The following RALYL variants were observed in gnomAD, a reference collection of about 807,000 sequenced individuals.
RALYL encodes RNA-binding Raly-like protein.
RALYL carries 29 observed loss-of-function variants against 35.1 expected under a neutral mutation model. The ratio of observed to expected loss-of-function variants is 0.83; its 90% CI spans 0.61 to 1.13. The LOEUF (loss-of-function observed/expected upper bound fraction) is 1.13, where lower values mean the gene tolerates loss of function less well. RALYL is among the 50% of genes most tolerant of loss of function. The pLI is 0.00. For missense variants in RALYL, 359 were observed against 360.4 expected, an observed-to-expected ratio of 1.00 and a Z score of 0.03; for synonymous variants, 120 against 127.6, an observed-to-expected ratio of 0.94 and a Z score of 0.40.
chr8:84,647,707 TC>T (rs1827787851), intron 2 of RALYL, among the ~76,000 whole-genome samples: 1 of 152,014 alleles, frequency 6.6e-6, no homozygotes, highest in Non-Finnish European at 1.5e-5. Flanking sequence ...AAGCTTACAT[TC>T]CATGGAGGGA....
chr8:84,623,473 C>G (rs1401110122), intron 2 of RALYL, among the ~76,000 whole-genome samples: 2 of 148,466 alleles, frequency 1.3e-5, no homozygotes, highest in Non-Finnish European at 3.0e-5. Context: ...CTTAGGTCAT[C>G]CTACTGTCCT....
intron 1 of RALYL, among the ~76,000 whole-genome samples, chr8:84,410,574 A>C (rs1199243540): frequency 2.0e-5 from 3 of 151,910 alleles, no homozygotes; most frequent in African/African-American, 4.8e-5. Context: ...ATTATAAACC[A>C]GTTAAAATAT....
chr8:84,647,428 C>T (rs576154260), intron 2 of RALYL, among the ~76,000 whole-genome samples: 1 of 152,170 alleles, frequency 6.6e-6, no homozygotes, highest in South Asian at 2.1e-4. Context: ...ACTGAATAAA[C>T]ATGCCTGAAG....
intron 1 of RALYL, among the ~76,000 whole-genome samples, chr8:84,266,804 C>CA (rs1317470960): frequency 5.9e-5 from 9 of 151,636 alleles, no homozygotes; most frequent in South Asian, 2.1e-4. Flanking sequence ...ACTAAAAATA[C>CA]AAAAAATTAG....
intron 3 of RALYL, among the ~76,000 whole-genome samples, chr8:84,777,125 A>C (rs1817015114): frequency 6.6e-6 from 1 of 152,234 alleles, no homozygotes; most frequent in Non-Finnish European, 1.5e-5. Context: ...TTGGTAGTAT[A>C]TACTATGCTG....
intron 2 of RALYL, among the ~76,000 whole-genome samples, chr8:84,729,913 G>A (rs898092957): frequency 6.6e-6 from 1 of 152,112 alleles, no homozygotes; most frequent in Non-Finnish European, 1.5e-5. Flanking sequence ...ACCAAAAAGA[G>A]TCCAGGACCA....
intron 1 of RALYL, among the ~76,000 whole-genome samples, chr8:84,403,667 CT>C (rs1421970656): frequency 6.7e-6 from 1 of 149,922 alleles, no homozygotes; most frequent in African/African-American, 2.5e-5. Context: ...GCTATATGGG[CT>C]CTTTTTTGGT....
chr8:84,210,760 C>G (rs1271132293), intron 1 of RALYL, among the ~76,000 whole-genome samples: 1 of 152,078 alleles, frequency 6.6e-6, no homozygotes, highest in Non-Finnish European at 1.5e-5. Flanking sequence ...CAGCAAGGCT[C>G]TATGCCATTC....
chr8:84,533,075 A>T (rs2059376213), intron 2 of RALYL, among the ~76,000 whole-genome samples: 1 of 152,086 alleles, frequency 6.6e-6, no homozygotes, highest in Admixed American at 6.6e-5. Flanking sequence ...ATTATTCAGA[A>T]TTTTTTTAAA....
At chr8:84,185,833 A>G (rs183956437) in intron 1 of RALYL, among the ~76,000 whole-genome samples, 37 of 152,342 alleles carry the variant, frequency 2.4e-4, no homozygotes, top group Admixed American at 2.1e-3. Flanking sequence ...GGGGTTTATA[A>G]CATACACTGG....
rs552984675 is a variant in RALYL, at chr8:84,899,918, G to A, written c.858+12142G>A. 2.0e-5 allele frequency among the ~76,000 whole-genome samples: 3 copies of A among 152,290 alleles called. No individual in the cohort carries two copies. In the South Asian group the frequency reaches 6.2e-4, roughly 32 times the overall value. The stretch of plus-strand genomic sequence containing the variant: ...GTTCATAAGAAAGTAAATTTCAGAG[G>A]ATTCCAAACTAAAGTATGCCCAGAT... On this transcript the variant is annotated intron_variant, in intron 8 of 8. Coordinates refer to ENST00000521268, the MANE Select transcript of RALYL (RefSeq NM_173848.7).
intron 3 of RALYL, among the ~76,000 whole-genome samples, chr8:84,787,100 G>A (rs1819676729): frequency 6.6e-6 from 1 of 152,032 alleles, no homozygotes; most frequent in Non-Finnish European, 1.5e-5. Flanking sequence ...ATGGTGGTTT[G>A]CTGCACCCAT....
At chr8:84,876,336 T>A (rs527710902) in intron 7 of RALYL, among the ~76,000 whole-genome samples, 1 of 152,320 alleles carries the variant, frequency 6.6e-6, no homozygotes, top group East Asian at 1.9e-4. Context: ...CCACCATGCA[T>A]GTATTATTTT....
chr8:84,760,935 C>G (rs1812536135), intron 2 of RALYL, among the ~76,000 whole-genome samples: 1 of 152,058 alleles, frequency 6.6e-6, no homozygotes, highest in Non-Finnish European at 1.5e-5. Context: ...TGCATGATAT[C>G]TACATTTGCT....
chr8:84,631,316 G>T (rs1014096224), intron 2 of RALYL, among the ~76,000 whole-genome samples: 3 of 151,880 alleles, frequency 2.0e-5, no homozygotes, highest in African/African-American at 7.2e-5. Context: ...AAATCATTCA[G>T]TTTATTTTTT....
intron 2 of RALYL, among the ~76,000 whole-genome samples, chr8:84,688,616 A>T (rs1291837584): frequency 1.3e-5 from 2 of 152,094 alleles, no homozygotes; most frequent in Non-Finnish European, 2.9e-5. Flanking sequence ...TGAAACTGTA[A>T]AACTAGTAGA....
At chr8:84,825,309 C>A (rs910344573) in intron 4 of RALYL, among the ~76,000 whole-genome samples, 1 of 151,996 alleles carries the variant, frequency 6.6e-6, no homozygotes, top group Non-Finnish European at 1.5e-5. Context: ...CATCTCACAG[C>A]AGTCAGAATG....
chr8:84,729,226 CT>C (rs1262695101), intron 2 of RALYL, among the ~76,000 whole-genome samples: 2 of 151,992 alleles, frequency 1.3e-5, no homozygotes, highest in Admixed American at 1.3e-4. Flanking sequence ...ATTTTATTTT[CT>C]TTGAAGCAAT....
chr8:84,909,807 C>A (rs1341163303), intron 8 of RALYL, among the ~76,000 whole-genome samples: 2 of 151,962 alleles, frequency 1.3e-5, no homozygotes, highest in Non-Finnish European at 2.9e-5. Context: ...ATAGTAAGCC[C>A]TCAGTGCATG....
Sources: gnomAD v4.1 joint callset for allele counts (sites outside exome capture counted in the v4.1 genomes callset) on GRCh38, gnomAD v4.1.1 for gene constraint, MANE v1.5 for transcripts, NCBI Gene and HGNC (gene_info 2026-07-23, HGNC 2026-07-21) for gene names.